The following MAGI2 variants were observed in gnomAD, a reference collection of about 807,000 sequenced individuals.
MAGI2 encodes the protein membrane associated guanylate kinase, WW and PDZ domain containing 2.
Under a neutral mutation model 133.3 loss-of-function variants are expected in MAGI2, and 35 were observed. That is an observed-to-expected ratio of 0.26 (90% CI 0.20 to 0.35). MAGI2 has a LOEUF of 0.35. MAGI2 is among the 10% of genes least tolerant of loss of function. The pLI, the probability that MAGI2 is intolerant of heterozygous loss-of-function variation, is 1.00. For missense variants in MAGI2, 1,636 were observed against 1,863.4 expected, an observed-to-expected ratio of 0.88 and a Z score of 2.25; for synonymous variants, 729 against 710.6, an observed-to-expected ratio of 1.03 and a Z score of -0.41.
intron 1 of MAGI2, among the ~76,000 whole-genome samples, chr7:79,388,491 T>C (rs1844359324): frequency 6.6e-6 from 1 of 151,884 alleles, no homozygotes; most frequent in South Asian, 2.1e-4. Context: ...CATTAGAGAG[T>C]CAGTTGAGGC....
In MAGI2 at chr7:78,127,403, C is replaced by A; in HGVS notation, c.3217G>T (p.Val1073Leu). The A allele has an allele frequency of 6.2e-7, 1 of 1,603,750 alleles. No individual in the cohort carries two copies. The highest frequency in any genetic ancestry group is 8.5e-7 in the Non-Finnish European group (1 of 1,179,532). The change falls in exon 19 of 22, where the codon GTG (valine) becomes TTG (leucine). Residue 1073 changes from valine to leucine, a missense_variant. Physicochemically the swap from Val to Leu is conservative, Grantham distance 32 (BLOSUM62 1). Coordinates refer to ENST00000354212, the MANE Select transcript of MAGI2 (RefSeq NM_012301.4). ...QGHENSYRSE[V>L]KARQDVKPDI... ...GGTTTCACATCTTGCCTTGCTTTCA[C>A]TTCCGACCTGTAACTAAATCAATGG...
rs532909816 is a variant in MAGI2, at chr7:78,356,337, G to C, written c.1104-10294C>G. On this transcript the variant is annotated intron_variant, in intron 7 of 21. Coordinates refer to ENST00000354212, the MANE Select transcript of MAGI2 (RefSeq NM_012301.4). ...GTTCTTCTGAGGGCCAGTGATCTAA[G>C]AAGAAATGGAGGGAGTTGTTAAAGG... is the stretch of plus-strand genomic sequence containing the variant. 2.6e-5 allele frequency among the ~76,000 whole-genome samples: 4 copies of C among 152,300 alleles called. No individual in the cohort carries two copies. In the South Asian group the frequency reaches 8.3e-4, roughly 32 times the overall value.
chr7:79,243,546 A>T lies in MAGI2; in HGVS notation c.301+209474T>A, dbSNP rs144365699. 7.8e-3 allele frequency among the ~76,000 whole-genome samples: 1,193 copies of T among 152,282 alleles called. 8 individuals carry two copies. The highest frequency in any genetic ancestry group is 0.013 in the Non-Finnish European group (866 of 68,014). Reference sequence around the variant, plus strand: ...TAGGAGTTAGTGGGTTAAAAATATGATCTCCAGGGAAATGAGTTCAAACTT... The same window carrying T: ...TAGGAGTTAGTGGGTTAAAAATATGTTCTCCAGGGAAATGAGTTCAAACTT... On this transcript the variant is annotated intron_variant, in intron 1 of 21. Coordinates refer to ENST00000354212, the MANE Select transcript of MAGI2 (RefSeq NM_012301.4).
At chr7:78,459,464 T>C (rs1789727416) in intron 6 of MAGI2, among the ~76,000 whole-genome samples, 1 of 152,198 alleles carries the variant, frequency 6.6e-6, no homozygotes, top group African/African-American at 2.4e-5. Context: ...GCTGAATATT[T>C]AAAACCTCTT....
At chr7:78,055,353 C>T (rs1254944665) in intron 21 of MAGI2, among the ~76,000 whole-genome samples, 1 of 152,174 alleles carries the variant, frequency 6.6e-6, no homozygotes, top group African/African-American at 2.4e-5. Context: ...CCTTAGCCTG[C>T]CACTTGCAGC....
intron 1 of MAGI2, among the ~76,000 whole-genome samples, chr7:79,444,657 T>A (rs2129200998): frequency 6.6e-6 from 1 of 151,854 alleles, no homozygotes; most frequent in East Asian, 1.9e-4. Flanking sequence ...CTCAATGAAA[T>A]TAAAGAGGAT....
intron 1 of MAGI2, among the ~76,000 whole-genome samples, chr7:79,284,763 TACAA>T (rs1835884971): frequency 6.6e-6 from 1 of 152,092 alleles, no homozygotes; most frequent in Non-Finnish European, 1.5e-5. Flanking sequence ...TTTGCATACA[TACAA>T]ACATATGTTT....
chr7:78,746,671 C>A (rs746687590), intron 2 of MAGI2, among the ~76,000 whole-genome samples: 1 of 152,212 alleles, frequency 6.6e-6, no homozygotes, highest in Non-Finnish European at 1.5e-5. Flanking sequence ...TTTGGACTTT[C>A]TTCCATGCCA....
chr7:78,332,396 T>G (rs964209798), intron 9 of MAGI2, among the ~76,000 whole-genome samples: 1 of 152,120 alleles, frequency 6.6e-6, no homozygotes, highest in Non-Finnish European at 1.5e-5. Flanking sequence ...ATCACCTATG[T>G]GTCATTATAA....
intron 1 of MAGI2, among the ~76,000 whole-genome samples, chr7:79,168,150 G>T (rs1359848986): frequency 6.6e-6 from 1 of 151,672 alleles, no homozygotes; most frequent in African/African-American, 2.4e-5. Context: ...ATCTCTGTTC[G>T]GGGCTCTCAG....
chr7:78,486,185 C>T (rs1268865350), intron 6 of MAGI2: 1 of 152,018 alleles, frequency 6.6e-6, no homozygotes, highest in Non-Finnish European at 1.5e-5. Context: ...AGATTTCAAA[C>T]AGTCAGTCAG....
intron 3 of MAGI2, among the ~76,000 whole-genome samples, chr7:78,544,797 G>A (rs1798684946): frequency 6.6e-6 from 1 of 151,844 alleles, no homozygotes; most frequent in Non-Finnish European, 1.5e-5. Context: ...TCACGCCATT[G>A]CACTCCAGCC....
In MAGI2 at chr7:78,078,788, A is replaced by ATGTGTGTGTG. The variant is rs67657112; in HGVS notation, c.3706+149_3706+158dup. ...GGCATAAACATACGTGTGTGTGTGT[A>ATGTGTGTGTG]TGTGTGTGTGTGTGTGTGTGTGTGT... On this transcript the variant is annotated intron_variant, in intron 21 of 21. Transcript: ENST00000354212. 0.11 allele frequency: 66,678 copies of ATGTGTGTGTG among 614,770 alleles called. 1,234 individuals are homozygous for ATGTGTGTGTG. The highest frequency in any genetic ancestry group is 0.13 in the Non-Finnish European group (44,378 of 352,154). The allele number at this position is 614,770 out of a possible 1,614,324, so 38.1% of individuals were successfully genotyped here. A position where few individuals can be genotyped will look rare whatever the true frequency, so the allele number is the denominator to read the frequency against.
chr7:78,634,812 G>C (rs1809453632), intron 2 of MAGI2, among the ~76,000 whole-genome samples: 2 of 152,136 alleles, frequency 1.3e-5, no homozygotes, highest in Admixed American at 6.5e-5. Context: ...TCATCATATA[G>C]CTGAAGCTCA....
At chr7:78,068,300 C>T (rs575103553) in intron 21 of MAGI2, among the ~76,000 whole-genome samples, 5 of 152,262 alleles carry the variant, frequency 3.3e-5, no homozygotes, top group African/African-American at 1.2e-4. Context: ...AGTAATGCTC[C>T]CGTGCCCACT....
chr7:79,347,501 T>C (rs989978358), intron 1 of MAGI2, among the ~76,000 whole-genome samples: 2 of 151,888 alleles, frequency 1.3e-5, no homozygotes, highest in Non-Finnish European at 2.9e-5. Context: ...CATTGAGAGA[T>C]CAGTTTTGCT....
At chr7:78,484,033 A>G (rs1792707660) in intron 6 of MAGI2, 1 of 151,960 alleles carries the variant, frequency 6.6e-6, no homozygotes, top group Non-Finnish European at 1.5e-5. Flanking sequence ...TTCTTGAGAA[A>G]TTAGGATCAC....
At chr7:78,565,194 G>A (rs1324550105) in intron 3 of MAGI2, among the ~76,000 whole-genome samples, 1 of 152,022 alleles carries the variant, frequency 6.6e-6, no homozygotes, top group Non-Finnish European at 1.5e-5. Context: ...AGGCACGGTG[G>A]CTTGCACCTG....
At chr7:79,344,524 C>T (rs1203366125) in intron 1 of MAGI2, among the ~76,000 whole-genome samples, 2 of 151,906 alleles carry the variant, frequency 1.3e-5, no homozygotes, top group African/African-American at 4.8e-5. Flanking sequence ...TTACAGGCCA[C>T]ATAAAAGAAA....
Sources: gnomAD v4.1 joint callset for allele counts (sites outside exome capture counted in the v4.1 genomes callset) on GRCh38, gnomAD v4.1.1 for gene constraint, MANE v1.5 for transcripts, NCBI Gene and HGNC (gene_info 2026-07-23, HGNC 2026-07-21) for gene names.